The following CCDC85A variants were observed in gnomAD, a reference collection of about 807,000 sequenced individuals.
CCDC85A encodes the protein coiled-coil domain-containing protein 85A.
In CCDC85A, 38 loss-of-function variants were observed where a neutral mutation model predicts 50.2. That is an observed-to-expected ratio of 0.76 (90% CI 0.58 to 0.99). CCDC85A has a LOEUF of 0.99. CCDC85A is among the 50% of genes least tolerant of loss of function. CCDC85A has a pLI of 0.00. For synonymous variants in CCDC85A, 366 were observed against 301.4 expected (o/e 1.21, Z -2.22); for missense variants, 820 against 742.0 (o/e 1.11, Z -1.22).
chr2:56,206,140 C>A (rs57613841), intron 2 of CCDC85A, among the ~76,000 whole-genome samples: 4,706 of 152,128 alleles, frequency 0.031, 232 homozygotes, highest in African/African-American at 0.11. Flanking sequence ...GAAAGTGAGT[C>A]AAGGCCAGAT....
At chr2:56,325,753 T>A (rs1673435093) in intron 2 of CCDC85A, among the ~76,000 whole-genome samples, 1 of 152,112 alleles carries the variant, frequency 6.6e-6, no homozygotes, top group Non-Finnish European at 1.5e-5. Context: ...AAGAAGCTTG[T>A]GAAATTTTTT....
intron 3 of CCDC85A, among the ~76,000 whole-genome samples, chr2:56,365,454 G>C (rs1675744791): frequency 6.6e-6 from 1 of 152,054 alleles, no homozygotes. Flanking sequence ...AGGCTGCTGA[G>C]CTATTCCAAC....
At chr2:56,326,878 G>A (rs1256209764) in intron 2 of CCDC85A, among the ~76,000 whole-genome samples, 2 of 151,698 alleles carry the variant, frequency 1.3e-5, no homozygotes, top group South Asian at 4.1e-4. Flanking sequence ...TCAGTGCAAA[G>A]AGTTTTTAAG....
At chr2:56,376,467 A>G (rs1676342523) in intron 5 of CCDC85A, among the ~76,000 whole-genome samples, 1 of 152,212 alleles carries the variant, frequency 6.6e-6, no homozygotes, top group Non-Finnish European at 1.5e-5. Context: ...AATAGAAAAC[A>G]GATATATGGT....
intron 2 of CCDC85A, among the ~76,000 whole-genome samples, chr2:56,245,225 C>G (rs1669449252): frequency 6.6e-6 from 1 of 152,218 alleles, no homozygotes; most frequent in Admixed American, 6.5e-5. Flanking sequence ...AGTGGTGAGG[C>G]TTGCTGAAAC....
At chr2:56,271,213 C>A (rs1670681579) in intron 2 of CCDC85A, among the ~76,000 whole-genome samples, 1 of 152,116 alleles carries the variant, frequency 6.6e-6, no homozygotes, top group Non-Finnish European at 1.5e-5. Context: ...TTATGTAGGG[C>A]TATAGAGTTT....
chr2:56,280,235 G>T (rs1671145245), intron 2 of CCDC85A, among the ~76,000 whole-genome samples: 1 of 152,278 alleles, frequency 6.6e-6, no homozygotes, highest in East Asian at 1.9e-4. Flanking sequence ...GGCCAGCTGG[G>T]CAAAGGCCCT....
chr2:56,296,946 A>G (rs559915463), intron 2 of CCDC85A, among the ~76,000 whole-genome samples: 428 of 152,338 alleles, frequency 2.8e-3, no homozygotes, highest in Non-Finnish European at 4.5e-3. Context: ...AAGACTTTTG[A>G]AAACATATTA....
At chr2:56,332,223 G>T (rs1442475267) in intron 2 of CCDC85A, among the ~76,000 whole-genome samples, 2 of 152,186 alleles carry the variant, frequency 1.3e-5, no homozygotes, top group Non-Finnish European at 2.9e-5. Flanking sequence ...TCCATATTGT[G>T]TAGACCCCCC....
At chr2:56,244,836 G>A in intron 2 of CCDC85A, among the ~76,000 whole-genome samples, 1 of 151,960 alleles carries the variant, frequency 6.6e-6, no homozygotes, top group African/African-American at 2.4e-5. Flanking sequence ...TTCCCTTCTG[G>A]CCAAGGGTGT....
chr2:56,381,952 G>T (rs1402258594), intron 5 of CCDC85A, among the ~76,000 whole-genome samples: 3 of 151,966 alleles, frequency 2.0e-5, no homozygotes, highest in Admixed American at 6.6e-5. Context: ...AAAGCCAAAA[G>T]CTTGCCCCCC....
chr2:56,268,171 G>T (rs1275477691), intron 2 of CCDC85A, among the ~76,000 whole-genome samples: 1 of 152,138 alleles, frequency 6.6e-6, no homozygotes, highest in African/African-American at 2.4e-5. Context: ...AGTTTTTAAG[G>T]CTTTCACATA....
At chr2:56,228,074 A>G (rs1397276514) in intron 2 of CCDC85A, among the ~76,000 whole-genome samples, 2 of 152,218 alleles carry the variant, frequency 1.3e-5, no homozygotes, top group Non-Finnish European at 2.9e-5. Flanking sequence ...CTGAAGACTA[A>G]CATTCCCTCA....
intron 2 of CCDC85A, among the ~76,000 whole-genome samples, chr2:56,333,304 C>T (rs1673906643): frequency 6.6e-6 from 1 of 152,020 alleles, no homozygotes; most frequent in African/African-American, 2.4e-5. Context: ...GGAAGTTAGC[C>T]AAACATTTGA....
chr2:56,192,647 A>G lies in CCDC85A; in HGVS notation c.447A>G (p.Lys149=), dbSNP rs780959016. The change falls in exon 2 of 6, where the codon AAA becomes AAG. Residue 149 remains lysine, a synonymous_variant. Coordinates refer to ENST00000407595, the MANE Select transcript of CCDC85A (RefSeq NM_001080433.2). This position sits in a 1 kb window ranked among gnomAD's most constrained non-coding sequence, Gnocchi z 4.7. ...KEVALYLQKL[K]DLEVKQEEVV... ...TGGCCTTATACCTGCAGAAGCTGAA[A>G]GACCTGGAGGTGAAGCAGGAGGAAG... 1 of 1,613,884 alleles carries G rather than the reference A, an allele frequency of 6.2e-7. No individual in the cohort carries two copies. The highest frequency in any genetic ancestry group is 8.5e-7 in the Non-Finnish European group (1 of 1,179,852).
At chr2:56,322,961 G>T (rs183355189) in intron 2 of CCDC85A, among the ~76,000 whole-genome samples, 152 of 152,280 alleles carry the variant, frequency 1.0e-3, no homozygotes, top group Middle Eastern at 3.4e-3. Flanking sequence ...ATACTATGCA[G>T]CCATAAAAAA....
At chr2:56,212,856 T>C (rs1416969904) in intron 2 of CCDC85A, among the ~76,000 whole-genome samples, 1 of 152,006 alleles carries the variant, frequency 6.6e-6, no homozygotes, top group Non-Finnish European at 1.5e-5. Context: ...GGACAACATA[T>C]GTCACTTCTC....
intron 3 of CCDC85A, among the ~76,000 whole-genome samples, chr2:56,364,896 T>A (rs1675713283): frequency 6.6e-6 from 1 of 152,222 alleles, no homozygotes; most frequent in African/African-American, 2.4e-5. Flanking sequence ...TGGAACTTCA[T>A]CCCAGGTAGT....
intron 1 of CCDC85A, among the ~76,000 whole-genome samples, chr2:56,191,808 G>A (rs1676306056): frequency 1.3e-5 from 2 of 152,164 alleles, no homozygotes; most frequent in Admixed American, 1.3e-4. Flanking sequence ...TGCCACTAGA[G>A]GGCAATTGTG....
Sources: gnomAD v4.1 joint callset for allele counts (sites outside exome capture counted in the v4.1 genomes callset) on GRCh38, gnomAD v4.1.1 for gene constraint, Gnocchi (gnomAD v3.1) non-coding constraint, MANE v1.5 for transcripts, NCBI Gene and HGNC (gene_info 2026-07-23, HGNC 2026-07-21) for gene names.